CNTNAP2: variants seen among roughly 807,000 people sequenced by gnomAD.
CNTNAP2 encodes contactin-associated protein-like 2.
A neutral mutation model predicts 155.2 loss-of-function variants in CNTNAP2; 98 were observed. The observed-to-expected ratio is 0.63, with a 90% CI of 0.54 to 0.75. CNTNAP2 has a LOEUF of 0.75. Among genes scored for constraint, CNTNAP2 ranks in the 30% least tolerant of loss-of-function variants. CNTNAP2 has a pLI of 0.00. For missense variants in CNTNAP2, 1,727 were observed against 1,688.1 expected, an observed-to-expected ratio of 1.02 and a Z score of -0.40; for synonymous variants, 651 against 631.2, an observed-to-expected ratio of 1.03 and a Z score of -0.47.
At chr7:146,388,338 G>A (rs1584901470) in intron 1 of CNTNAP2, among the ~76,000 whole-genome samples, 1 of 152,132 alleles carries the variant, frequency 6.6e-6, no homozygotes, top group East Asian at 1.9e-4. Flanking sequence ...GGGAGTATGA[G>A]GTGGGAGGAT....
chr7:146,127,334 C>T (rs1038519785), intron 1 of CNTNAP2, among the ~76,000 whole-genome samples: 7 of 152,096 alleles, frequency 4.6e-5, no homozygotes, highest in Admixed American at 3.9e-4. Context: ...AATACTAAGA[C>T]GCAGCAGGCA....
At chr7:148,396,714 TTGTC>T (rs1283335503) in intron 22 of CNTNAP2, among the ~76,000 whole-genome samples, 2 of 152,252 alleles carry the variant, frequency 1.3e-5, no homozygotes, top group East Asian at 3.8e-4. Context: ...TTTGAGATCT[TTGTC>T]TGATTCCACG....
intron 1 of CNTNAP2, among the ~76,000 whole-genome samples, chr7:146,602,039 G>A (rs1313100072): frequency 6.6e-6 from 1 of 152,068 alleles, no homozygotes; most frequent in African/African-American, 2.4e-5. Flanking sequence ...AAAGACAAAT[G>A]TTTTATTTTG....
intron 10 of CNTNAP2, among the ~76,000 whole-genome samples, chr7:147,413,339 A>G (rs1449135037): frequency 6.6e-6 from 1 of 152,206 alleles, no homozygotes; most frequent in African/African-American, 2.4e-5. Context: ...AGCTTGTTCC[A>G]ACACAACAGG....
In CNTNAP2 at chr7:146,285,172, T is replaced by TAAGTA. The variant is rs530515740; in HGVS notation, c.97+168200_97+168204dup. Reference sequence around the variant, plus strand: ...TTTTAAAATTGTCCTCCCTTTACTTTAAGTAGGTAAAAATAAAGATGCAAT... The same window carrying TAAGTA: ...TTTTAAAATTGTCCTCCCTTTACTTTAAGTAAAGTAGGTAAAAATAAAGATGCAAT... On this transcript the variant is annotated intron_variant, in intron 1 of 23. Transcript: ENST00000361727. Among the ~76,000 whole-genome samples, 308 of 152,264 alleles carry TAAGTA rather than the reference T, an allele frequency of 2.0e-3. 3 individuals carry two copies. The highest frequency in any genetic ancestry group is 7.0e-3 in the African/African-American group (289 of 41,532).
intron 3 of CNTNAP2, among the ~76,000 whole-genome samples, chr7:147,043,599 A>ATTGT (rs1214704140): frequency 6.6e-6 from 1 of 152,268 alleles, no homozygotes; most frequent in African/African-American, 2.4e-5. Flanking sequence ...TGTATAAATT[A>ATTGT]AATGCAAAAT....
In CNTNAP2 at chr7:146,863,437, CTA is replaced by C. The variant is rs548639322; in HGVS notation, c.402+23535_402+23536del. Among the ~76,000 whole-genome samples the C allele has an allele frequency of 8.2e-3, 1,252 of 152,128 alleles. 13 individuals are homozygous for C. The highest frequency in any genetic ancestry group is 0.029 in the African/African-American group (1,191 of 41,532). On this transcript the variant is annotated intron_variant, in intron 3 of 23. Transcript: ENST00000361727. ...TAAGAGGTATGTCTTTCATATGACTCTATGCTTTAATTATAACATTAGTCAAA... is the reference window on the plus strand; with the variant it reads ...TAAGAGGTATGTCTTTCATATGACTCTGCTTTAATTATAACATTAGTCAAA...
At chr7:148,164,083 C>T (rs1805603005) in intron 17 of CNTNAP2, among the ~76,000 whole-genome samples, 1 of 152,074 alleles carries the variant, frequency 6.6e-6, no homozygotes, top group Non-Finnish European at 1.5e-5. Context: ...TACAGGTGGG[C>T]ACCACCACAC....
At chr7:147,069,028 T>C (rs529999374) in intron 4 of CNTNAP2, among the ~76,000 whole-genome samples, 3 of 152,274 alleles carry the variant, frequency 2.0e-5, no homozygotes, top group Admixed American at 1.3e-4. Context: ...TGTTTTCACA[T>C]GGCGAGAGAG....
chr7:148,159,715 C>T (rs1191462720), intron 17 of CNTNAP2, among the ~76,000 whole-genome samples: 1 of 152,172 alleles, frequency 6.6e-6, no homozygotes, highest in Non-Finnish European at 1.5e-5. Context: ...TACCTAATTT[C>T]ACTAAGCACT....
intron 1 of CNTNAP2, among the ~76,000 whole-genome samples, chr7:146,362,655 TAAAG>T (rs1795098512): frequency 1.3e-5 from 2 of 151,434 alleles, no homozygotes; most frequent in Admixed American, 1.3e-4. Flanking sequence ...AAGCTAAAAA[TAAAG>T]AAGCTGAATT....
rs1364120366 is a variant in CNTNAP2 at position 146,995,285 on chromosome 7, G to A, written c.403-48622G>A. Among the ~76,000 whole-genome samples the A allele has an allele frequency of 2.6e-5, 4 of 151,964 alleles. No individual in the cohort carries two copies. The East Asian group carries it at 5.8e-4, about 22-fold the overall frequency. ...CACATCTTGGCTATTGTGAATAGACGCTGTAATAAAAATGAGAGCAGATAC... is the reference window on the plus strand; with the variant it reads ...CACATCTTGGCTATTGTGAATAGACACTGTAATAAAAATGAGAGCAGATAC... On this transcript the variant is annotated intron_variant, in intron 3 of 23. Transcript: ENST00000361727.
At chr7:147,560,103 A>G (rs6950045) in intron 11 of CNTNAP2, among the ~76,000 whole-genome samples, 66,926 of 145,518 alleles carry the variant, frequency 0.46, 15,368 homozygotes, top group East Asian at 0.61. Context: ...GGGAGGCAGA[A>G]GTTGTGGTGA....
intron 1 of CNTNAP2, among the ~76,000 whole-genome samples, chr7:146,152,375 G>T (rs1342067194): frequency 6.6e-6 from 1 of 152,072 alleles, no homozygotes; most frequent in Non-Finnish European, 1.5e-5. Context: ...TTGGGGTACT[G>T]TGGAGACTGG....
intron 1 of CNTNAP2, among the ~76,000 whole-genome samples, chr7:146,286,709 A>T (rs1331255754): frequency 1.3e-5 from 2 of 152,130 alleles, no homozygotes; most frequent in African/African-American, 2.4e-5. Flanking sequence ...AAACAGAGCC[A>T]TGATCCATAA....
rs554600552 is a variant in CNTNAP2 at position 146,565,723 on chromosome 7, G to C, written c.98-208548G>C. ...ATGATTTTTAAAGTTGTTAGAAGAA[G>C]TCTGCACATGAGCTGTTCATTTTCT... On this transcript the variant is annotated intron_variant, in intron 1 of 23. Transcript: ENST00000361727. Among the ~76,000 whole-genome samples, 17 of 152,338 alleles carry C rather than the reference G, an allele frequency of 1.1e-4. No homozygotes were observed. The South Asian group carries it at 1.2e-3, about 11-fold the overall frequency.
intron 3 of CNTNAP2, among the ~76,000 whole-genome samples, chr7:146,888,438 C>T (rs1314185836): frequency 1.3e-5 from 2 of 152,086 alleles, no homozygotes; most frequent in South Asian, 2.1e-4. Context: ...TTTACTCTAT[C>T]ATTTCATATG....
At chr7:147,398,163 A>G (rs1447638226) in intron 10 of CNTNAP2, among the ~76,000 whole-genome samples, 2 of 152,124 alleles carry the variant, frequency 1.3e-5, no homozygotes, top group Non-Finnish European at 2.9e-5. Flanking sequence ...GTGTCTTTCC[A>G]GGTAAAAGTA....
At chr7:148,345,604 C>T (rs1798312033) in intron 21 of CNTNAP2, among the ~76,000 whole-genome samples, 1 of 152,108 alleles carries the variant, frequency 6.6e-6, no homozygotes, top group Non-Finnish European at 1.5e-5. Flanking sequence ...AGGCTGGTCT[C>T]GAACCCCTGA....
Sources: gnomAD v4.1 joint callset for allele counts (sites outside exome capture counted in the v4.1 genomes callset) on GRCh38, gnomAD v4.1.1 for gene constraint, MANE v1.5 for transcripts, NCBI Gene and HGNC (gene_info 2026-07-23, HGNC 2026-07-21) for gene names.